RANBP2: variants seen among roughly 807,000 people sequenced by gnomAD.
The protein encoded by RANBP2 is RAN binding protein 2.
Under a neutral mutation model 303.6 loss-of-function variants are expected in RANBP2, and 57 were observed. That is an observed-to-expected ratio of 0.19 (90% CI 0.15 to 0.23). The LOEUF (loss-of-function observed/expected upper bound fraction) is 0.23. Ranked by LOEUF, RANBP2 falls within the 10% of genes least tolerant of loss-of-function variation. The pLI is 1.00. For synonymous variants in RANBP2, 1,167 were observed against 1,301.5 expected (o/e 0.90, Z 2.23); for missense variants, 3,138 against 3,780.8 (o/e 0.83, Z 4.46).
chr2:109,596,633 A>G, the RANBP2 span, among the ~76,000 whole-genome samples: 1 of 151,956 alleles, frequency 6.6e-6, no homozygotes, highest in Non-Finnish European at 1.5e-5. Flanking sequence ...AAAAAAAAAA[A>G]GAAAAAAATT....
intron 6 of RANBP2, 35 bp downstream of exon 6, chr2:108,736,284 A>C: frequency 6.2e-7 from 1 of 1,611,922 alleles, no homozygotes; most frequent in Non-Finnish European, 8.5e-7. Context: ...TTTAGTATAA[A>C]TTGCAGTTTT....
chr2:108,783,491 A>G, intron 28 of RANBP2, 105 bp from the exon 29 acceptor site: 1 of 777,474 alleles, frequency 1.3e-6, no homozygotes, highest in Non-Finnish European at 2.0e-6. Flanking sequence ...GGGCTTTAGG[A>G]TTTAACATGT....
the RANBP2 span, chr2:108,908,105 C>A: frequency 6.9e-7 from 1 of 1,443,012 alleles, no homozygotes; most frequent in Non-Finnish European, 9.3e-7. Flanking sequence ...TTGTCCATTG[C>A]CCAGCTGTGG....
the RANBP2 span, among the ~76,000 whole-genome samples, chr2:109,763,396 C>T: frequency 6.7e-6 from 1 of 150,092 alleles, no homozygotes; most frequent in Non-Finnish European, 1.5e-5. Flanking sequence ...ATGGGGCAGC[C>T]ATATTTCAAC....
At chr2:109,287,727 G>C in the RANBP2 span, among the ~76,000 whole-genome samples, 1 of 152,206 alleles carries the variant, frequency 6.6e-6, no homozygotes, top group Admixed American at 6.5e-5. Flanking sequence ...CCTCTGCACA[G>C]AGCTCTTCTC....
chr2:108,850,009 G>A, the RANBP2 span, among the ~76,000 whole-genome samples: 18 of 152,310 alleles, frequency 1.2e-4, no homozygotes, highest in East Asian at 3.3e-3. Context: ...AGTGTAAAAG[G>A]GGCCTTTGTC....
At chr2:109,649,980 C>T in the RANBP2 span, among the ~76,000 whole-genome samples, 25 of 152,198 alleles carry the variant, frequency 1.6e-4, no homozygotes, top group Non-Finnish European at 2.8e-4. Flanking sequence ...CTAGACATAA[C>T]GAAATGATAA....
the RANBP2 span, among the ~76,000 whole-genome samples, chr2:109,555,912 A>C: frequency 0.47 from 71,791 of 151,996 alleles, 17,697 homozygotes; most frequent in African/African-American, 0.62. Context: ...GTGACTGCCA[A>C]ACTCCCCAGT....
At chr2:109,733,175 C>G in the RANBP2 span, 1 of 199,310 alleles carries the variant, frequency 5.0e-6, no homozygotes, top group Non-Finnish European at 1.0e-5. Flanking sequence ...CCATCTAGGT[C>G]AAATGAAAAA....
chr2:109,694,736 G>T, the RANBP2 span, among the ~76,000 whole-genome samples: 1 of 151,726 alleles, frequency 6.6e-6, no homozygotes, highest in Non-Finnish European at 1.5e-5. Flanking sequence ...TTTGGATTTT[G>T]GAGCATTTTG....
the RANBP2 span, among the ~76,000 whole-genome samples, chr2:109,070,161 T>TGGAGCAGAGTGAGTGAGGG: frequency 6.6e-6 from 1 of 152,084 alleles, no homozygotes; most frequent in Admixed American, 6.5e-5. Context: ...GCTAAGGGCC[T>TGGAGCAGAGTGAGTGAGGG]GGAGCAGAGT....
At chr2:109,614,546 G>C in the RANBP2 span, 1 of 1,318,220 alleles carries the variant, frequency 7.6e-7, no homozygotes, top group Non-Finnish European at 9.6e-7. Context: ...AGGCGGTGCT[G>C]CGCTTCCTGG....
the RANBP2 span, among the ~76,000 whole-genome samples, chr2:109,173,861 G>C: frequency 6.6e-6 from 1 of 152,254 alleles, no homozygotes; most frequent in African/African-American, 2.4e-5. Context: ...TTCAGACTCA[G>C]CTCTTTTGCT....
At chr2:109,053,823 C>T in the RANBP2 span, among the ~76,000 whole-genome samples, 111 of 152,270 alleles carry the variant, frequency 7.3e-4, no homozygotes, top group African/African-American at 2.4e-3. Context: ...AAGCATGTCC[C>T]TCTCCCACCC....
At chr2:109,377,187 A>G in the RANBP2 span, among the ~76,000 whole-genome samples, 1 of 152,190 alleles carries the variant, frequency 6.6e-6, no homozygotes, top group South Asian at 2.1e-4. Context: ...TTTCAGGGGC[A>G]TGTGATGGGT....
the RANBP2 span, among the ~76,000 whole-genome samples, chr2:109,187,115 G>C: frequency 2.0e-5 from 3 of 149,776 alleles, no homozygotes; most frequent in African/African-American, 7.3e-5. Context: ...GCTGGCTCCA[G>C]AGCCACAGGG....
At chr2:108,911,114 T>A in the RANBP2 span, 1 of 1,613,206 alleles carries the variant, frequency 6.2e-7, no homozygotes, top group Non-Finnish European at 8.5e-7. Context: ...GAGCTCAGGA[T>A]CCCTGCTGGT....
the RANBP2 span, among the ~76,000 whole-genome samples, chr2:108,826,785 G>T: frequency 2.0e-5 from 3 of 152,158 alleles, no homozygotes; most frequent in African/African-American, 7.2e-5. Flanking sequence ...AAAGAAACCA[G>T]CTGGGATTTT....
chr2:109,186,662 C>T, the RANBP2 span, among the ~76,000 whole-genome samples: 1 of 152,196 alleles, frequency 6.6e-6, no homozygotes, highest in Non-Finnish European at 1.5e-5. Context: ...TAGGAAGACC[C>T]TGCGGGAAAT....
Sources: gnomAD v4.1 joint callset for allele counts (sites outside exome capture counted in the v4.1 genomes callset) on GRCh38, gnomAD v4.1.1 for gene constraint, MANE v1.5 for transcripts, NCBI Gene and HGNC (gene_info 2026-07-23, HGNC 2026-07-21) for gene names.